The following ASB5 variants were observed in gnomAD, a reference collection of about 807,000 sequenced individuals.
The protein encoded by ASB5 is ankyrin repeat and SOCS box protein 5.
Under a neutral mutation model 42.1 loss-of-function variants are expected in ASB5, and 45 were observed. The ratio of observed to expected loss-of-function variants is 1.07; its 90% CI spans 0.84 to 1.37. The LOEUF is 1.37. Among genes scored for constraint, ASB5 ranks in the 40% most tolerant of loss-of-function variants. ASB5 has a pLI of 0.00. For synonymous variants in ASB5, 147 were observed against 150.6 expected, an observed-to-expected ratio of 0.98 and a Z score of 0.18; for missense variants, 402 against 399.8, an observed-to-expected ratio of 1.01 and a Z score of -0.05.
intron 5 of ASB5, among the ~76,000 whole-genome samples, chr4:176,218,039 G>A (rs1047189108): frequency 3.3e-5 from 5 of 150,196 alleles, no homozygotes; most frequent in African/African-American, 1.2e-4. Context: ...CATAAAGAAA[G>A]CATAAACTTT....
intron 1 of ASB5, among the ~76,000 whole-genome samples, chr4:176,259,093 G>A (rs540768954): frequency 2.0e-5 from 3 of 151,900 alleles, no homozygotes; most frequent in African/African-American, 7.2e-5. Flanking sequence ...ATGGTGGGTG[G>A]GAGAGAGAGA....
chr4:176,222,711 A>G (rs6857063), intron 2 of ASB5, among the ~76,000 whole-genome samples: 151,435 of 152,292 alleles, frequency 0.99, 75,296 homozygotes, highest in Middle Eastern at 1. Flanking sequence ...ATATTTTTTT[A>G]TCCTTATTTT....
At chr4:176,235,075 C>T (rs1753652021) in intron 1 of ASB5, among the ~76,000 whole-genome samples, 1 of 152,112 alleles carries the variant, frequency 6.6e-6, no homozygotes, top group South Asian at 2.1e-4. Context: ...AACCCTAGAA[C>T]TCATAGGGCA....
intron 1 of ASB5, among the ~76,000 whole-genome samples, chr4:176,276,844 A>G (rs144462399): frequency 1.5e-4 from 23 of 152,340 alleles, no homozygotes; most frequent in Non-Finnish European, 2.6e-4. Context: ...AATGAAGACA[A>G]CAAAAAGTAC....
intron 2 of ASB5, 42 bp from the exon 3 acceptor site, chr4:176,222,462 T>A (rs756131647): frequency 2.0e-6 from 3 of 1,504,672 alleles, no homozygotes; most frequent in Non-Finnish European, 2.8e-6. Flanking sequence ...AAGAGTTATA[T>A]ACTTAAAAAA....
At chr4:176,276,948 G>C in intron 1 of ASB5, among the ~76,000 whole-genome samples, 1 of 152,140 alleles carries the variant, frequency 6.6e-6, no homozygotes, top group Non-Finnish European at 1.5e-5. Flanking sequence ...TCAGCAGAAA[G>C]TGGTAGGCAG....
chr4:176,260,505 T>C (rs1754242604), intron 1 of ASB5, among the ~76,000 whole-genome samples: 1 of 152,206 alleles, frequency 6.6e-6, no homozygotes, highest in African/African-American at 2.4e-5. Context: ...TAACAATTTA[T>C]GATACTCCTT....
intron 6 of ASB5, among the ~76,000 whole-genome samples, chr4:176,216,347 A>T (rs974457982): frequency 1.3e-5 from 2 of 152,096 alleles, no homozygotes; most frequent in African/African-American, 4.8e-5. Flanking sequence ...GAAAATTAAA[A>T]TTATCATTTT....
At chr4:176,217,152 T>G (rs1429685487) in intron 5 of ASB5, 143 bp from the exon 6 acceptor site, 3 of 635,522 alleles carry the variant, frequency 4.7e-6, no homozygotes, top group African/African-American at 1.8e-5. Flanking sequence ...TATTTCTTTA[T>G]ATACATATAC....
At chr4:176,261,256 T>G (rs1754263570) in intron 1 of ASB5, among the ~76,000 whole-genome samples, 1 of 152,188 alleles carries the variant, frequency 6.6e-6, no homozygotes, top group Admixed American at 6.5e-5. Flanking sequence ...TTCCATCTTC[T>G]CTGAGATGTA....
rs1323187630 is a variant in ASB5, at chr4:176,216,910, G to A, written c.770C>T (p.Ala257Val). Residue 257 changes from alanine (A) to valine (V), a missense_variant, in exon 6 of 7, where the codon GCA (alanine) becomes GTA (valine). By Grantham distance (64) the Ala-to-Val change is moderately conservative. Transcript: ENST00000296525. ...EIVNLLLEFG[A>V]DINAKNTELL... ...CTCTGTATTTTTGGCATTGATATCT[G>A]CTCCAAATTCTAGCAGTAAGTTTAC... is the stretch of plus-strand genomic sequence containing the variant. The A allele has an allele frequency of 3.1e-6, 5 of 1,613,868 alleles. No homozygotes were observed. In the African/African-American group the frequency reaches 6.7e-5, roughly 22 times the overall value.
chr4:176,237,181 A>G, intron 1 of ASB5: 1 of 724,588 alleles, frequency 1.4e-6, no homozygotes, highest in Non-Finnish European at 1.7e-6. Flanking sequence ...ATACATGTGC[A>G]TTTCAATCCG....
chr4:176,223,144 A>G (rs1249387186), intron 2 of ASB5, among the ~76,000 whole-genome samples: 1 of 152,194 alleles, frequency 6.6e-6, no homozygotes, highest in Non-Finnish European at 1.5e-5. Context: ...ACTCTAAACT[A>G]TAGTAAACAG....
chr4:176,245,888 G>T (rs1478922297), intron 1 of ASB5, among the ~76,000 whole-genome samples: 1 of 152,026 alleles, frequency 6.6e-6, no homozygotes, highest in Non-Finnish European at 1.5e-5. Context: ...TCACACACTG[G>T]GGCCTGTCGT....
chr4:176,216,800 C>T lies in ASB5; in HGVS notation c.862+18G>A. On this transcript the variant is annotated intron_variant, in intron 6 of 6. Coordinates refer to ENST00000296525, the MANE Select transcript of ASB5 (RefSeq NM_080874.4). ...AATATATTTTGTTTTTGTAAGTTTC[C>T]ACATGTATTTTTCTTACCTTCATGT... 4 of 1,515,130 alleles carry T rather than the reference C, an allele frequency of 2.6e-6. No homozygotes were observed. Among genetic ancestry groups the T allele is most frequent in the South Asian group, 1.4e-5 (1 of 73,868 alleles). 93.9% of individuals were successfully genotyped at this position (1,515,130 alleles called of 1,614,324 possible).
chr4:176,216,873 A>C lies in ASB5; in HGVS notation c.807T>G (p.Pro269=). Residue 269 remains proline, a synonymous_variant, in exon 6 of 7, where the codon CCT becomes CCG. Transcript: ENST00000296525. ...TACTGCTAGACGTAGCTACATCTAT[A>C]GGTCGCAGAAGCTCTGTATTTTTGG... is the stretch of plus-strand genomic sequence containing the variant. ...INAKNTELLR[P]IDVATSSSMV... 1 of 1,613,670 alleles carries C rather than the reference A, an allele frequency of 6.2e-7. No homozygotes were observed. The highest frequency in any genetic ancestry group is 8.5e-7 in the Non-Finnish European group (1 of 1,179,880).
At chr4:176,270,227 G>T (rs1754442491), upstream of ASB5, among the ~76,000 whole-genome samples, 1 of 152,028 alleles carries the variant, frequency 6.6e-6, no homozygotes, top group African/African-American at 2.4e-5. Context: ...TCTATGACTG[G>T]GTTTGGGGCC....
At chr4:176,263,911 T>C (rs1341923750) in intron 1 of ASB5, among the ~76,000 whole-genome samples, 1 of 152,154 alleles carries the variant, frequency 6.6e-6, no homozygotes, top group Non-Finnish European at 1.5e-5. Context: ...AAAAAGATAT[T>C]ACATCAAATT....
At chr4:176,248,793 T>A (rs1753962327) in intron 1 of ASB5, among the ~76,000 whole-genome samples, 2 of 152,128 alleles carry the variant, frequency 1.3e-5, no homozygotes, top group African/African-American at 4.8e-5. Flanking sequence ...CAATATGAGA[T>A]GTATGCATAG....
Sources: gnomAD v4.1 joint callset for allele counts (sites outside exome capture counted in the v4.1 genomes callset) on GRCh38, gnomAD v4.1.1 for gene constraint, MANE v1.5 for transcripts, NCBI Gene and HGNC (gene_info 2026-07-23, HGNC 2026-07-21) for gene names.